Variants in ARK2C observed in about 807,000 individuals in gnomAD.
ARK2C encodes the protein arkadia (RNF111) C-terminal like ring finger ubiquitin ligase 2C.
At chr18:46,395,213 C>T in the ARK2C span, among the ~76,000 whole-genome samples, 4 of 152,204 alleles carry the variant, frequency 2.6e-5, no homozygotes, top group Admixed American at 2.6e-4. Flanking sequence ...CTGGATTTTC[C>T]AGGAAGAGTG....
At chr18:46,389,717 G>A in the ARK2C span, among the ~76,000 whole-genome samples, 1 of 151,898 alleles carries the variant, frequency 6.6e-6, no homozygotes, top group Non-Finnish European at 1.5e-5. Flanking sequence ...TCCAGGAAGT[G>A]AAATGGTCAT....
At chr18:46,456,136 A>G in the ARK2C span, 2 of 1,041,446 alleles carry the variant, frequency 1.9e-6, no homozygotes, top group Non-Finnish European at 1.5e-6. Context: ...TTGGTGACCA[A>G]TCACTGCACC....
At chr18:46,349,985 G>C in the ARK2C span, among the ~76,000 whole-genome samples, 1 of 152,160 alleles carries the variant, frequency 6.6e-6, no homozygotes, top group Admixed American at 6.5e-5. Flanking sequence ...ATCTGTATTA[G>C]ATGAGAATAT....
At chr18:46,389,494 C>T in the ARK2C span, among the ~76,000 whole-genome samples, 1 of 152,180 alleles carries the variant, frequency 6.6e-6, no homozygotes, top group Non-Finnish European at 1.5e-5. Flanking sequence ...ACCCCTGGCT[C>T]AAGGCCCACA....
the ARK2C span, chr18:46,457,836 G>A: frequency 1.3e-5 from 2 of 152,534 alleles, no homozygotes; most frequent in African/African-American, 4.8e-5. Flanking sequence ...CAGACCTTGG[G>A]GAGGAAGCTG....
chr18:46,388,910 C>T, the ARK2C span, among the ~76,000 whole-genome samples: 2 of 152,058 alleles, frequency 1.3e-5, no homozygotes, highest in Admixed American at 6.6e-5. Context: ...AAAAAAGACA[C>T]GAAACATTGA....
chr18:46,386,447 G>A, the ARK2C span: 1 of 152,146 alleles, frequency 6.6e-6, no homozygotes, highest in African/African-American at 2.4e-5. Flanking sequence ...AGGCAGAGGG[G>A]TTAATATCAA....
At chr18:46,349,180 A>C in the ARK2C span, among the ~76,000 whole-genome samples, 1 of 152,132 alleles carries the variant, frequency 6.6e-6, no homozygotes, top group African/African-American at 2.4e-5. Flanking sequence ...ATCTTAGCAC[A>C]TTTGGACTGC....
At chr18:46,425,536 A>T in the ARK2C span, among the ~76,000 whole-genome samples, 1 of 152,112 alleles carries the variant, frequency 6.6e-6, no homozygotes, top group Non-Finnish European at 1.5e-5. Context: ...ATGAAACTCC[A>T]CTTTCCTCCA....
the ARK2C span, among the ~76,000 whole-genome samples, chr18:46,412,938 C>T: frequency 1.2e-4 from 19 of 152,050 alleles, no homozygotes; most frequent in Admixed American, 1.2e-3. Context: ...CTCAAAATCC[C>T]CCAGAATTCC....
At chr18:46,414,043 G>A in the ARK2C span, among the ~76,000 whole-genome samples, 3 of 152,158 alleles carry the variant, frequency 2.0e-5, no homozygotes, top group African/African-American at 7.2e-5. Flanking sequence ...TTTGTGTAGG[G>A]TGCTCTACAA....
the ARK2C span, chr18:46,336,452 C>T: frequency 7.1e-6 from 7 of 985,374 alleles, no homozygotes; most frequent in South Asian, 4.7e-5. Context: ...AACATGCCCA[C>T]AGGAAATTCA....
chr18:46,404,574 T>C, the ARK2C span, among the ~76,000 whole-genome samples: 1 of 151,956 alleles, frequency 6.6e-6, no homozygotes, highest in Non-Finnish European at 1.5e-5. Flanking sequence ...ACTAACATGG[T>C]GAAACCCATC....
the ARK2C span, among the ~76,000 whole-genome samples, chr18:46,384,354 T>C: frequency 6.6e-6 from 1 of 152,326 alleles, no homozygotes; most frequent in East Asian, 1.9e-4. Flanking sequence ...CATGTATGTG[T>C]GTGGGGGGGA....
the ARK2C span, among the ~76,000 whole-genome samples, chr18:46,443,694 T>C: frequency 2.6e-5 from 4 of 152,246 alleles, no homozygotes; most frequent in South Asian, 6.2e-4. Flanking sequence ...ACAGAGACTG[T>C]ACGGCTTTTG....
At chr18:46,461,310 A>G in the ARK2C span, 1 of 152,208 alleles carries the variant, frequency 6.6e-6, no homozygotes, top group Non-Finnish European at 1.5e-5. Context: ...CCCGTGGGAA[A>G]CCACTGTGCT....
the ARK2C span, among the ~76,000 whole-genome samples, chr18:46,347,196 C>T: frequency 1.3e-5 from 2 of 152,180 alleles, no homozygotes; most frequent in Non-Finnish European, 2.9e-5. Context: ...GCTCCCTGCG[C>T]CTCTCCCATG....
chr18:46,406,985 T>A, the ARK2C span, among the ~76,000 whole-genome samples: 1 of 152,224 alleles, frequency 6.6e-6, no homozygotes, highest in African/African-American at 2.4e-5. Flanking sequence ...TAGTTTCCCT[T>A]TAAAAATGAC....
chr18:46,334,253 C>A, the ARK2C span: 1 of 1,470,370 alleles, frequency 6.8e-7, no homozygotes, highest in Non-Finnish European at 9.0e-7. The surrounding 1 kb of genome is among the most constrained non-coding windows in gnomAD (Gnocchi z 4.4). Context: ...CCGCCGCCGC[C>A]GCCGCCGCGC....
Sources: allele counts gnomAD v4.1 joint callset (sites outside exome capture counted in the v4.1 genomes callset), GRCh38; gene constraint gnomAD v4.1.1; non-coding constraint Gnocchi (gnomAD v3.1); transcripts MANE v1.5; gene names NCBI Gene and HGNC (gene_info 2026-07-23, HGNC 2026-07-21).